POLB: variants seen among roughly 807,000 people sequenced by gnomAD.
POLB encodes the protein DNA polymerase beta.
Under a neutral mutation model 52.7 loss-of-function variants are expected in POLB, and 37 were observed. The observed-to-expected ratio is 0.70, with a 90% CI of 0.54 to 0.92. The LOEUF (loss-of-function observed/expected upper bound fraction) is 0.92. Ranked by LOEUF, POLB falls within the 40% of genes least tolerant of loss-of-function variation. The pLI is 0.00. For synonymous variants in POLB, 138 were observed against 131.3 expected, an observed-to-expected ratio of 1.05 and a Z score of -0.35; for missense variants, 313 against 400.8, an observed-to-expected ratio of 0.78 and a Z score of 1.87.
chr8:42,369,656 G>T (rs969897942), intron 12 of POLB, 193 bp from the exon 13 acceptor site: 5 of 523,782 alleles, frequency 9.5e-6, no homozygotes, highest in Non-Finnish European at 1.3e-5. Context: ...TCAGAACAAA[G>T]TTCACAGAAA....
At chr8:42,343,345 A>AAAAT (rs1554531633) in intron 2 of POLB, among the ~76,000 whole-genome samples, 3 of 33,054 alleles carry the variant, frequency 9.1e-5, no homozygotes, top group African/African-American at 1.8e-4. Flanking sequence ...AAAAAAAAAA[A>AAAAT]ATATATATAT....
chr8:42,345,512 T>C (rs1822555443), intron 3 of POLB, among the ~76,000 whole-genome samples: 1 of 152,258 alleles, frequency 6.6e-6, no homozygotes, highest in Non-Finnish European at 1.5e-5. Flanking sequence ...CCTTGTGTAC[T>C]GTGTCACAGT....
intron 9 of POLB, among the ~76,000 whole-genome samples, chr8:42,360,749 T>TAA (rs540293292): frequency 7.0e-6 from 1 of 142,690 alleles, no homozygotes; most frequent in South Asian, 2.2e-4. Flanking sequence ...GTTTTCTTTT[T>TAA]AAAAAAAAAA....
chr8:42,371,638 C>T lies in POLB; in HGVS notation c.989C>T (p.Pro330Leu), dbSNP rs1397932971. The T allele has an allele frequency of 3.1e-6, 5 of 1,610,826 alleles. No individual in the cohort carries two copies. Among genetic ancestry groups the T allele is most frequent in the South Asian group, 1.1e-5 (1 of 90,996 alleles). Residue 330 changes from proline (P) to leucine (L), a missense_variant, in exon 14 of 14, where the codon CCC (proline) becomes CTC (leucine). By Grantham distance (98) the Pro-to-Leu change is moderately conservative. Transcript: ENST00000265421. ...TACATCCAGTGGAAATACCGGGAAC[C>T]CAAGGACCGGAGCGAATGAGGCCTG... ...FDYIQWKYREPKDRSE is the reference protein window; with the variant it reads ...FDYIQWKYRELKDRSE
chr8:42,371,466 T>A (rs897501630), intron 13 of POLB, 97 bp from the exon 14 acceptor site: 1 of 519,492 alleles, frequency 1.9e-6, no homozygotes, highest in Non-Finnish European at 3.3e-6. Flanking sequence ...TCTTTTTTCT[T>A]CTGAAAGCAA....
rs56121607 is a variant in POLB, at chr8:42,361,331, C to G, written c.587C>G (p.Thr196Ser). Residue 196 changes from threonine (T) to serine (S), a missense_variant, in exon 10 of 14, where the codon ACC (threonine) becomes AGC (serine). Physicochemically the swap from Thr to Ser is moderately conservative, Grantham distance 58 (BLOSUM62 1). Transcript: ENST00000265421. ...AGTGGTGACATGGATGTTCTCCTGA[C>G]CCATCCCAGCTTCACTTCAGAATCA... Reference protein sequence around the residue: ...ESSGDMDVLLTHPSFTSESTK... With the variant: ...ESSGDMDVLLSHPSFTSESTK... 2.8e-4 allele frequency: 450 copies of G among 1,612,494 alleles called. 4 individuals carry two copies. In the East Asian group the frequency reaches 9.2e-3, roughly 33 times the overall value.
intron 4 of POLB, 82 bp from the exon 5 acceptor site, chr8:42,349,925 G>T: frequency 4.2e-6 from 4 of 941,718 alleles, no homozygotes; most frequent in Non-Finnish European, 6.9e-6. Flanking sequence ...ATGTCTTTTA[G>T]CAGACTGGTA....
intron 2 of POLB, chr8:42,342,219 CT>C (rs1822245945): frequency 1.3e-6 from 2 of 1,552,226 alleles, no homozygotes; most frequent in African/African-American, 2.7e-5. Flanking sequence ...GTGAAAGCAC[CT>C]GGCTGACCAT....
chr8:42,368,307 T>G (rs2130858760), intron 11 of POLB, among the ~76,000 whole-genome samples: 1 of 152,350 alleles, frequency 6.6e-6, no homozygotes, highest in South Asian at 2.1e-4. Flanking sequence ...AGAAGGTAGG[T>G]TTCATATTTT....
chr8:42,347,550 T>C (rs958282491), intron 3 of POLB, among the ~76,000 whole-genome samples: 5 of 152,068 alleles, frequency 3.3e-5, no homozygotes, highest in African/African-American at 1.2e-4. Flanking sequence ...ATCTGAAATT[T>C]CCAGAATGAG....
intron 2 of POLB, among the ~76,000 whole-genome samples, chr8:42,343,457 G>T (rs1471067642): frequency 3.4e-5 from 5 of 145,244 alleles, no homozygotes; most frequent in African/African-American, 1.3e-4. Context: ...AACCTGGGAG[G>T]CAGAGGCTAC....
At chr8:42,343,626 A>T (rs1822398855) in intron 2 of POLB, among the ~76,000 whole-genome samples, 1 of 63,178 alleles carries the variant, frequency 1.6e-5, no homozygotes, top group Admixed American at 2.5e-4. Flanking sequence ...AGCTATTTTA[A>T]AAAAGGGGGC....
chr8:42,371,589 G>C lies in POLB; in HGVS notation c.940G>C (p.Asp314His). ...AGTTGCAGGAGAACCCCTGCCAGTG[G>C]ATAGTGAAAAAGACATCTTTGATTA... is the stretch of plus-strand genomic sequence containing the variant. Reference protein sequence around the residue: ...TGVAGEPLPVDSEKDIFDYIQ... With the variant: ...TGVAGEPLPVHSEKDIFDYIQ... The change falls in exon 14 of 14, where the codon GAT becomes CAT. Residue 314 changes from aspartate to histidine, a missense_variant. By Grantham distance (81) the Asp-to-His change is moderately conservative. This residue lies in a region of POLB where 246 missense variants were observed against 297.6 expected (regional missense o/e 0.83). Coordinates refer to ENST00000265421, the MANE Select transcript of POLB (RefSeq NM_002690.3). The C allele has an allele frequency of 1.2e-6, 2 of 1,612,458 alleles. No homozygotes were observed. The highest frequency in any genetic ancestry group is 4.5e-5 in the East Asian group (2 of 44,864).
intron 11 of POLB, among the ~76,000 whole-genome samples, chr8:42,367,293 T>A (rs1220043268): frequency 1.3e-5 from 2 of 152,300 alleles, no homozygotes; most frequent in Middle Eastern, 3.4e-3. Flanking sequence ...TGTTATTTTT[T>A]AAAAAGGAAG....
chr8:42,349,537 C>T (rs565644326), intron 4 of POLB, among the ~76,000 whole-genome samples: 101 of 152,206 alleles, frequency 6.6e-4, no homozygotes, highest in Non-Finnish European at 1.3e-3. Context: ...TACAGGCGCC[C>T]GCCACCACAC....
chr8:42,345,577 T>G (rs1822560084), intron 3 of POLB, among the ~76,000 whole-genome samples: 2 of 152,198 alleles, frequency 1.3e-5, no homozygotes, highest in African/African-American at 2.4e-5. Flanking sequence ...TTATCTGAAA[T>G]GCTTGGGAAC....
chr8:42,360,912 A>C (rs1823636073), intron 9 of POLB, among the ~76,000 whole-genome samples: 1 of 152,160 alleles, frequency 6.6e-6, no homozygotes, highest in Admixed American at 6.5e-5. Flanking sequence ...ACCTTTATAG[A>C]GTTAGAGTAT....
chr8:42,354,525 C>G, intron 6 of POLB: 1 of 1,141,502 alleles, frequency 8.8e-7, no homozygotes, highest in Non-Finnish European at 1.2e-6. Flanking sequence ...AATGCAGGTA[C>G]AGTAATAATT....
chr8:42,359,072 A>G (rs1168967388), intron 9 of POLB, among the ~76,000 whole-genome samples: 5 of 152,114 alleles, frequency 3.3e-5, no homozygotes, highest in African/African-American at 1.2e-4. Context: ...TTGTATGGTT[A>G]TATGCTTTCA....
Sources: allele counts gnomAD v4.1 joint callset (sites outside exome capture counted in the v4.1 genomes callset), GRCh38; gene constraint gnomAD v4.1.1; regional missense constraint gnomAD v4.1.1; transcripts MANE v1.5; gene names NCBI Gene and HGNC (gene_info 2026-07-23, HGNC 2026-07-21).